The following TRIM55 variants were observed in gnomAD, a reference collection of about 807,000 sequenced individuals.
TRIM55 encodes the protein tripartite motif containing 55.
In TRIM55, 50 loss-of-function variants were observed where a neutral mutation model predicts 60.9. The ratio of observed to expected loss-of-function variants is 0.82; its 90% CI spans 0.65 to 1.04. TRIM55 has a LOEUF of 1.04. Among genes scored for constraint, TRIM55 ranks in the 50% least tolerant of loss-of-function variants. The pLI is 0.00. For synonymous variants in TRIM55, 237 were observed against 238.1 expected (o/e 1.00, Z 0.04); for missense variants, 681 against 666.9 (o/e 1.02, Z -0.23).
chr8:66,134,911 G>T, intron 2 of TRIM55, 79 bp from the exon 3 acceptor site: 1 of 1,476,264 alleles, frequency 6.8e-7, no homozygotes, highest in South Asian at 1.3e-5. Flanking sequence ...AATTTGCAAG[G>T]CAGAGCAACA....
chr8:66,133,560 T>A (rs1809296227), intron 2 of TRIM55, among the ~76,000 whole-genome samples: 1 of 152,244 alleles, frequency 6.6e-6, no homozygotes, highest in Admixed American at 6.5e-5. Context: ...ATAGACTTCA[T>A]GGAAAGCATA....
Position 66,154,253 on chromosome 8 carries a change from G to A in TRIM55, c.1443G>A (p.Lys481=), listed in dbSNP as rs142972779. The A allele has an allele frequency of 6.2e-7, 1 of 1,613,512 alleles. No homozygotes were observed. Among genetic ancestry groups the A allele is most frequent in the Non-Finnish European group, 8.5e-7 (1 of 1,179,932 alleles). The change falls in exon 9 of 10, where the codon AAG becomes AAA. Residue 481 remains lysine, a synonymous_variant. Transcript: ENST00000315962. ...GTTCTGAGGATTCGAATGTACGGAA[G>A]GCAGAAGTGGCAGCAGCCGCAGCGA... The part of the protein sequence containing the change: ...PPGSEDSNVR[K]AEVAAAAASE...
intron 9 of TRIM55, among the ~76,000 whole-genome samples, chr8:66,173,313 T>G (rs1301010565): frequency 6.6e-6 from 1 of 152,186 alleles, no homozygotes; most frequent in Non-Finnish European, 1.5e-5. Flanking sequence ...TAGGATAATT[T>G]TATTGCTCTT....
chr8:66,150,051 A>G (rs907008918), intron 5 of TRIM55, among the ~76,000 whole-genome samples, 166 bp from the exon 6 acceptor site: 3 of 152,246 alleles, frequency 2.0e-5, no homozygotes, highest in Non-Finnish European at 2.9e-5. Flanking sequence ...TAGCATGTCT[A>G]TGATACTGCT....
At chr8:66,120,907 G>C in the TRIM55 span, among the ~76,000 whole-genome samples, 1 of 152,202 alleles carries the variant, frequency 6.6e-6, no homozygotes, top group Non-Finnish European at 1.5e-5. Flanking sequence ...TGCAGGACCT[G>C]GGAACCCCAG....
At chr8:66,146,033 G>A (rs969539314) in intron 4 of TRIM55, among the ~76,000 whole-genome samples, 1 of 152,176 alleles carries the variant, frequency 6.6e-6, no homozygotes, top group African/African-American at 2.4e-5. Context: ...TTGATTTGGA[G>A]CAGGTTACTT....
chr8:66,116,908 C>CA, the TRIM55 span, among the ~76,000 whole-genome samples: 1 of 152,124 alleles, frequency 6.6e-6, no homozygotes, highest in Non-Finnish European at 1.5e-5. Context: ...AAATTCTCAA[C>CA]AAAATTTTAG....
intron 4 of TRIM55, among the ~76,000 whole-genome samples, chr8:66,148,761 G>A (rs538068418): frequency 6.6e-6 from 1 of 152,198 alleles, no homozygotes; most frequent in South Asian, 2.1e-4. Context: ...AAAAAAACAT[G>A]ATTAAGGCCG....
intron 4 of TRIM55, among the ~76,000 whole-genome samples, chr8:66,143,586 T>G (rs902701440): frequency 6.6e-6 from 1 of 152,014 alleles, no homozygotes; most frequent in Non-Finnish European, 1.5e-5. Flanking sequence ...TTTTGGGTTT[T>G]TTTTTTTTTA....
chr8:66,128,284 T>A lies in TRIM55; in HGVS notation c.169-20T>A. ...CTTGTGGCATTACCCAATTCCTTTT[T>A]TCTTACTTGGCAAGAACAGGCCTCT... On this transcript the variant is annotated intron_variant, in intron 1 of 9. Coordinates refer to ENST00000315962, the MANE Select transcript of TRIM55 (RefSeq NM_184085.2). 1 of 1,559,564 alleles carries A rather than the reference T, an allele frequency of 6.4e-7. No individual in the cohort carries two copies. Among genetic ancestry groups the A allele is most frequent in the Non-Finnish European group, 8.7e-7 (1 of 1,154,052 alleles).
intron 4 of TRIM55, among the ~76,000 whole-genome samples, chr8:66,142,168 A>G (rs1809854854): frequency 6.6e-6 from 1 of 152,238 alleles, no homozygotes; most frequent in Non-Finnish European, 1.5e-5. Flanking sequence ...GTCACCTTAC[A>G]GCCTCAGAGT....
intron 2 of TRIM55, among the ~76,000 whole-genome samples, chr8:66,130,171 A>G (rs776278204): frequency 1.3e-5 from 2 of 152,270 alleles, no homozygotes; most frequent in African/African-American, 2.4e-5. Context: ...TACAAAACAC[A>G]TCTTCACCTT....
intron 9 of TRIM55, among the ~76,000 whole-genome samples, chr8:66,158,957 A>G (rs1424865723): frequency 6.6e-6 from 1 of 152,228 alleles, no homozygotes; most frequent in African/African-American, 2.4e-5. Flanking sequence ...TAGAGCAAAG[A>G]CAGGATGTAC....
intron 9 of TRIM55, chr8:66,155,601 C>G: frequency 6.6e-7 from 1 of 1,505,256 alleles, no homozygotes; most frequent in Non-Finnish European, 9.1e-7. Flanking sequence ...ATCAGTGAAG[C>G]TTTCTTCTTG....
chr8:66,140,535 G>C (rs1017338005), intron 4 of TRIM55, among the ~76,000 whole-genome samples: 16 of 152,226 alleles, frequency 1.1e-4, no homozygotes, highest in African/African-American at 3.6e-4. Context: ...ACCTTTGTTT[G>C]AAGCATCCCT....
intron 3 of TRIM55, among the ~76,000 whole-genome samples, chr8:66,135,918 C>T (rs1280968489): frequency 6.6e-6 from 1 of 152,142 alleles, no homozygotes; most frequent in Non-Finnish European, 1.5e-5. Context: ...GCAGCCACTC[C>T]AGGCACCGAG....
chr8:66,119,377 T>C, the TRIM55 span, among the ~76,000 whole-genome samples: 1 of 152,244 alleles, frequency 6.6e-6, no homozygotes, highest in Non-Finnish European at 1.5e-5. Flanking sequence ...TCCTTTTAGC[T>C]GTACTCTCCA....
Position 66,135,079 on chromosome 8 carries a change from G to C in TRIM55, c.431G>C (p.Cys144Ser). The change falls in exon 3 of 10, where the codon TGC becomes TCC. Residue 144 changes from cysteine (C) to serine (S), a missense_variant. By Grantham distance (112) the Cys-to-Ser change is moderately radical (BLOSUM62 -1). Coordinates refer to ENST00000315962, the MANE Select transcript of TRIM55 (RefSeq NM_184085.2). The stretch of plus-strand genomic sequence containing the variant: ...TGTCTGAACTGCGAAGTACCCACCT[G>C]CTCTCTGTGCAAGGTGTTTGGTGCA... ...IYCLNCEVPT[C>S]SLCKVFGAHK... 1 of 1,614,180 alleles carries C rather than the reference G, an allele frequency of 6.2e-7. No individual in the cohort carries two copies. Among genetic ancestry groups the C allele is most frequent in the Non-Finnish European group, 8.5e-7 (1 of 1,180,012 alleles).
At chr8:66,131,109 A>G (rs113519989) in intron 2 of TRIM55, among the ~76,000 whole-genome samples, 3,599 of 152,264 alleles carry the variant, frequency 0.024, 130 homozygotes, top group African/African-American at 0.081. Context: ...TAAAACTACT[A>G]TGTGCTGCAT....
Sources: gnomAD v4.1 joint callset for allele counts (sites outside exome capture counted in the v4.1 genomes callset) on GRCh38, gnomAD v4.1.1 for gene constraint, MANE v1.5 for transcripts, NCBI Gene and HGNC (gene_info 2026-07-23, HGNC 2026-07-21) for gene names.